The following ITSN2 variants were observed in gnomAD, a reference collection of about 807,000 sequenced individuals.
The protein encoded by ITSN2 is intersectin 2.
A neutral mutation model predicts 243.7 loss-of-function variants in ITSN2; 156 were observed. The ratio of observed to expected loss-of-function variants is 0.64; its 90% CI spans 0.56 to 0.73. The LOEUF is 0.73. Among genes scored for constraint, ITSN2 ranks in the 30% least tolerant of loss-of-function variants. The pLI is 0.00. For missense variants in ITSN2, 1,801 were observed against 1,996.1 expected (o/e 0.90, Z 1.86); for synonymous variants, 703 against 699.9 (o/e 1.00, Z -0.07).
At chr2:24,349,542 T>A (rs1687849993) in intron 1 of ITSN2, among the ~76,000 whole-genome samples, 1 of 152,194 alleles carries the variant, frequency 6.6e-6, no homozygotes, top group Non-Finnish European at 1.5e-5. Flanking sequence ...ATAGCTTAAA[T>A]GTTTAATGAT....
intron 29 of ITSN2, among the ~76,000 whole-genome samples, chr2:24,234,071 TCAAGACTTACTAGAAAGCTG>T (rs1265386543): frequency 6.6e-5 from 10 of 152,198 alleles, no homozygotes; most frequent in Admixed American, 3.9e-4. Context: ...CTACCTGACC[TCAAGACTTACTAGAAAGCTG>T]CAGTAATCAA....
intron 29 of ITSN2, chr2:24,240,349 T>C (rs949508855): frequency 2.6e-5 from 4 of 152,316 alleles, no homozygotes; most frequent in Non-Finnish European, 1.5e-5. Context: ...AAATCTGTTA[T>C]TCTATCTGTA....
At chr2:24,358,891 A>T (rs1215440699) in intron 1 of ITSN2, among the ~76,000 whole-genome samples, 1 of 152,204 alleles carries the variant, frequency 6.6e-6, no homozygotes, top group African/African-American at 2.4e-5. Context: ...TTCTTGGACG[A>T]GTTTACCTTT....
chr2:24,332,847 G>GA (rs1685936494), intron 1 of ITSN2, among the ~76,000 whole-genome samples: 1 of 152,096 alleles, frequency 6.6e-6, no homozygotes, highest in Non-Finnish European at 1.5e-5. Flanking sequence ...AACATTTACT[G>GA]TTTACCATTA....
rs962625276 is a variant in ITSN2 at position 24,307,904 on chromosome 2, C to T, written c.793+713G>A. Among the ~76,000 whole-genome samples the T allele has an allele frequency of 3.3e-5, 5 of 152,190 alleles. No individual in the cohort carries two copies. In the East Asian group the frequency reaches 7.7e-4, roughly 23 times the overall value. ...TTAAATGCTCCCTTCCTAAAAGATA[C>T]CTCATCTGAACTCTTCAGCTTCAAT... On this transcript the variant is annotated intron_variant, in intron 8 of 39. Transcript: ENST00000355123.
rs753388175 is a variant in ITSN2, at chr2:24,301,981, CA to C, written c.978del (p.Val327PhefsTer59). 1 of 1,609,496 alleles carries C rather than the reference CA, an allele frequency of 6.2e-7. No homozygotes were observed. The highest frequency in any genetic ancestry group is 8.5e-7 in the Non-Finnish European group (1 of 1,177,640). On this transcript the variant is annotated frameshift_variant, in exon 10 of 40. Transcript: ENST00000355123. LOFTEE classifies it high-confidence loss of function. Reference protein sequence around the residue: ...QPLPLTLPPELVPPSFRGGKQ... With the variant: ...QPLPLTLPPEXVPPSFRGGKQ... ...CACACTCACCTGAAAGATGGAGGAACAAGCTCAGGAGGTAAAGTCAGTGGTA... is the reference window on the plus strand; with the variant it reads ...CACACTCACCTGAAAGATGGAGGAACAGCTCAGGAGGTAAAGTCAGTGGTA...
chr2:24,330,428 T>A, intron 1 of ITSN2: 2 of 625,020 alleles, frequency 3.2e-6, no homozygotes, highest in Admixed American at 3.8e-5. Context: ...GTGAAGGGGA[T>A]GCTAAAGGAG....
intron 18 of ITSN2, among the ~76,000 whole-genome samples, chr2:24,274,028 G>A (rs959312344): frequency 1.3e-5 from 2 of 152,116 alleles, no homozygotes; most frequent in Admixed American, 6.5e-5. Flanking sequence ...GAAATTAAAC[G>A]CATATAACTA....
intron 30 of ITSN2, among the ~76,000 whole-genome samples, chr2:24,218,897 ATGC>A (rs1406034169): frequency 6.6e-6 from 1 of 152,188 alleles, no homozygotes; most frequent in African/African-American, 2.4e-5. Context: ...TGCCCATGAC[ATGC>A]TGCTATTAGA....
chr2:24,303,425 G>C (rs1267597835), intron 9 of ITSN2, among the ~76,000 whole-genome samples: 1 of 152,190 alleles, frequency 6.6e-6, no homozygotes, highest in Non-Finnish European at 1.5e-5. Flanking sequence ...AAACAAGAAA[G>C]AGCTTAAAGA....
chr2:24,334,770 G>C, intron 1 of ITSN2: 2 of 1,521,292 alleles, frequency 1.3e-6, no homozygotes, highest in Admixed American at 1.7e-5. Context: ...GCTATTAAAA[G>C]ATGCAAGCAT....
chr2:24,263,515 A>G (rs962617562), intron 20 of ITSN2, among the ~76,000 whole-genome samples: 1 of 152,192 alleles, frequency 6.6e-6, no homozygotes, highest in African/African-American at 2.4e-5. Flanking sequence ...CAAGATAGCC[A>G]ACACTTCCAT....
intron 20 of ITSN2, among the ~76,000 whole-genome samples, chr2:24,270,175 G>A (rs890058147): frequency 6.6e-6 from 1 of 152,164 alleles, no homozygotes; most frequent in African/African-American, 2.4e-5. Flanking sequence ...AAGTTTGTGT[G>A]CTTCTAAAGC....
intron 1 of ITSN2, among the ~76,000 whole-genome samples, chr2:24,336,233 C>T (rs1195054747): frequency 2.1e-5 from 3 of 142,276 alleles, no homozygotes; most frequent in Non-Finnish European, 4.5e-5. Flanking sequence ...CAGAGCGAGA[C>T]TCTGTCTCAA....
chr2:24,351,895 G>T (rs1688050113), intron 1 of ITSN2, among the ~76,000 whole-genome samples: 1 of 152,112 alleles, frequency 6.6e-6, no homozygotes, highest in Non-Finnish European at 1.5e-5. Flanking sequence ...CCAAGGAGAA[G>T]CCACTTCCTT....
intron 27 of ITSN2, 94 bp downstream of exon 27, chr2:24,248,534 TG>T: frequency 2.1e-6 from 2 of 967,878 alleles, no homozygotes; most frequent in Non-Finnish European, 3.0e-6. Flanking sequence ...GGAATGATTA[TG>T]GGTGATCTAA....
In ITSN2 at chr2:24,300,069, C is replaced by T. The variant is rs374912990; in HGVS notation, c.1184G>A (p.Arg395His). ...LMEQQQREAE[R>H]KAQKEKEEWE... ...CTCTTCCTTTTCTTTCTGGGCTTTA[C>T]GTTCTGCCTCCCTTTGTTGCTGCTC... The change falls in exon 12 of 40, where the codon CGT (arginine) becomes CAT (histidine). Residue 395 changes from arginine to histidine, a missense_variant. Physicochemically the swap from Arg to His is conservative, Grantham distance 29 (BLOSUM62 0). Around this residue, in one of 5 missense-constraint regions of ITSN2, gnomAD observed 787 missense variants for 803.9 expected, o/e 0.98. Transcript: ENST00000355123. The T allele has an allele frequency of 1.9e-5, 30 of 1,614,006 alleles. No homozygotes were observed. The South Asian group carries it at 2.5e-4, about 14-fold the overall frequency.
Position 24,300,228 on chromosome 2 carries a change from A to G in ITSN2, c.1082-57T>C, listed in dbSNP as rs375456044. 2.6e-5 allele frequency: 40 copies of G among 1,549,406 alleles called. No homozygotes were observed. In the African/African-American group the frequency reaches 4.1e-4, roughly 16 times the overall value. ...ACATTAACAGCCTACAGAACCTGTA[A>G]TCTAGTTTCTATATACTTATGCCTT... On this transcript the variant is annotated intron_variant, in intron 11 of 39. Coordinates refer to ENST00000355123, the MANE Select transcript of ITSN2 (RefSeq NM_006277.3).
intron 3 of ITSN2, 77 bp downstream of exon 3, chr2:24,315,055 G>T: frequency 1.7e-6 from 1 of 596,380 alleles, no homozygotes. Flanking sequence ...AAATTTGATG[G>T]CAGTCAAATT....
Sources: gnomAD v4.1 joint callset for allele counts (sites outside exome capture counted in the v4.1 genomes callset) on GRCh38, gnomAD v4.1.1 for gene constraint, gnomAD v4.1.1 regional missense constraint, MANE v1.5 for transcripts, NCBI Gene and HGNC (gene_info 2026-07-23, HGNC 2026-07-21) for gene names.